Variants in KCNIP4 observed in about 807,000 individuals in gnomAD.
KCNIP4 encodes Kv channel-interacting protein 4.
KCNIP4 carries 12 observed loss-of-function variants against 34.0 expected under a neutral mutation model. The ratio of observed to expected loss-of-function variants is 0.35; its 90% CI spans 0.23 to 0.57. The LOEUF is 0.57. KCNIP4 is among the 20% of genes least tolerant of loss of function. The probability of loss-of-function intolerance (pLI) is 0.83; values close to 1 mark genes in which losing one functional copy is unlikely to be tolerated. For missense variants in KCNIP4, 238 were observed against 311.7 expected (o/e 0.76, Z 1.78); for synonymous variants, 124 against 102.2 (o/e 1.21, Z -1.29).
intron 1 of KCNIP4, among the ~76,000 whole-genome samples, chr4:21,306,158 C>T (rs16870771): frequency 0.055 from 8,312 of 152,272 alleles, 290 homozygotes; most frequent in Middle Eastern, 0.12. Context: ...AGGTGTAACA[C>T]TAGCCTCAGA....
At chr4:20,877,969 TC>T (rs1269058555) in intron 2 of KCNIP4, among the ~76,000 whole-genome samples, 2 of 125,994 alleles carry the variant, frequency 1.6e-5, no homozygotes, top group African/African-American at 3.4e-5. Flanking sequence ...TTTCTCTCTC[TC>T]TTTTTTTTTT....
At chr4:21,058,032 A>G (rs972810444) in intron 1 of KCNIP4, among the ~76,000 whole-genome samples, 1 of 152,190 alleles carries the variant, frequency 6.6e-6, no homozygotes, top group South Asian at 2.1e-4. Flanking sequence ...ATGAAAAAAG[A>G]GAGAAGAAAA....
intron 6 of KCNIP4, among the ~76,000 whole-genome samples, chr4:20,733,876 T>G (rs1366999929): frequency 6.6e-6 from 1 of 152,172 alleles, no homozygotes; most frequent in African/African-American, 2.4e-5. Context: ...ACTCGTGACC[T>G]GGCACACTTG....
chr4:21,785,775 T>C (rs1719870187), intron 1 of KCNIP4, among the ~76,000 whole-genome samples: 1 of 152,192 alleles, frequency 6.6e-6, no homozygotes, highest in Non-Finnish European at 1.5e-5. Context: ...ACACATTTCA[T>C]AACAGCACTT....
At chr4:21,247,065 AAAGTT>A (rs1452480993) in intron 1 of KCNIP4, among the ~76,000 whole-genome samples, 3 of 152,202 alleles carry the variant, frequency 2.0e-5, no homozygotes, top group Non-Finnish European at 4.4e-5. Flanking sequence ...TCAAATCAGC[AAAGTT>A]AAGATTAAAA....
At chr4:21,467,100 A>T (rs1345804621) in intron 1 of KCNIP4, among the ~76,000 whole-genome samples, 1 of 148,188 alleles carries the variant, frequency 6.7e-6, no homozygotes, top group African/African-American at 2.5e-5. Flanking sequence ...ACACACACAC[A>T]CACACACACA....
At chr4:21,277,914 G>GA (rs1452465957) in intron 1 of KCNIP4, among the ~76,000 whole-genome samples, 2 of 152,182 alleles carry the variant, frequency 1.3e-5, no homozygotes, top group Non-Finnish European at 2.9e-5. Flanking sequence ...CTTCCAGACA[G>GA]AAAAAATAAA....
At chr4:21,143,869 GTT>G (rs61492179) in intron 1 of KCNIP4, among the ~76,000 whole-genome samples, 11 of 148,534 alleles carry the variant, frequency 7.4e-5, no homozygotes, top group Admixed American at 4.7e-4. Context: ...TGCCCAGCTA[GTT>G]TTTTTTTTTT....
intron 1 of KCNIP4, among the ~76,000 whole-genome samples, chr4:21,036,785 A>G (rs1054826487): frequency 1.3e-5 from 2 of 152,246 alleles, no homozygotes; most frequent in Admixed American, 6.5e-5. Context: ...TTTTTAAAAT[A>G]AAGAATACTC....
chr4:21,380,488 G>GGA (rs142716819), intron 1 of KCNIP4, among the ~76,000 whole-genome samples: 1,687 of 146,904 alleles, frequency 0.011, 55 homozygotes, highest in South Asian at 0.1. Context: ...AGAGAGAGAG[G>GGA]GAGAGAGAGA....
intron 1 of KCNIP4, among the ~76,000 whole-genome samples, chr4:21,298,315 A>C (rs1054569195): frequency 1.3e-5 from 2 of 151,850 alleles, no homozygotes; most frequent in South Asian, 4.2e-4. Flanking sequence ...AAGCCTTAAA[A>C]CCCAATTGAT....
chr4:21,117,155 G>A (rs1408479312), intron 1 of KCNIP4, among the ~76,000 whole-genome samples: 1 of 151,972 alleles, frequency 6.6e-6, no homozygotes, highest in Non-Finnish European at 1.5e-5. Flanking sequence ...TAATAAGCAT[G>A]GTTGCTAGGA....
At chr4:20,974,044 G>T (rs1296197539) in intron 1 of KCNIP4, among the ~76,000 whole-genome samples, 2 of 152,174 alleles carry the variant, frequency 1.3e-5, no homozygotes, top group Admixed American at 6.5e-5. Context: ...AGCACATGCT[G>T]TTGGAAAAAT....
chr4:21,205,110 T>C (rs1756755200), intron 1 of KCNIP4, among the ~76,000 whole-genome samples: 1 of 152,208 alleles, frequency 6.6e-6, no homozygotes, highest in Non-Finnish European at 1.5e-5. Context: ...GGAATAAGAA[T>C]ATGACTGTGG....
chr4:20,926,819 G>A (rs552128415), intron 1 of KCNIP4, among the ~76,000 whole-genome samples: 2 of 152,206 alleles, frequency 1.3e-5, no homozygotes, highest in African/African-American at 4.8e-5. Context: ...TGGTATTTGT[G>A]CTTTCAACTT....
rs545403237 is a variant in KCNIP4 at position 21,264,991 on chromosome 4, C to G, written c.62-382282G>C. 8.2e-4 allele frequency among the ~76,000 whole-genome samples: 124 copies of G among 152,080 alleles called. 1 individual carries two copies. In the South Asian group the frequency reaches 8.3e-3, roughly 10 times the overall value. ...ACTTGCGCCTGTGATCCCGGCAACT[C>G]GGGAGGCTGAGGCACAAGAATTGCT... On this transcript the variant is annotated intron_variant, in intron 1 of 8. Transcript: ENST00000382152.
At chr4:21,515,441 A>G (rs575948039) in intron 1 of KCNIP4, among the ~76,000 whole-genome samples, 2 of 152,080 alleles carry the variant, frequency 1.3e-5, no homozygotes, top group Admixed American at 1.3e-4. Flanking sequence ...AATCGAGACC[A>G]TCCTGGTTAA....
chr4:21,828,703 C>CA (rs749029926), intron 1 of KCNIP4, among the ~76,000 whole-genome samples: 2 of 151,832 alleles, frequency 1.3e-5, no homozygotes, highest in African/African-American at 2.4e-5. Context: ...ACCATGAAAT[C>CA]ATGTCTCCGA....
chr4:21,412,189 A>G (rs561124459), intron 1 of KCNIP4, among the ~76,000 whole-genome samples: 2 of 152,284 alleles, frequency 1.3e-5, no homozygotes, highest in African/African-American at 4.8e-5. Flanking sequence ...GCTCTTTGAC[A>G]GCTGCTTATC....
Sources: gnomAD v4.1 joint callset for allele counts (sites outside exome capture counted in the v4.1 genomes callset) on GRCh38, gnomAD v4.1.1 for gene constraint, MANE v1.5 for transcripts, NCBI Gene and HGNC (gene_info 2026-07-23, HGNC 2026-07-21) for gene names.